Variants in PSMB3 observed in about 807,000 individuals in gnomAD.
PSMB3 encodes the protein proteasome 20S subunit beta 3, also known as proteasome subunit beta type-3.
In PSMB3, 5 loss-of-function variants were observed where a neutral mutation model predicts 23.3. The observed-to-expected ratio is 0.21, with a 90% confidence interval of 0.11 to 0.45. The LOEUF is 0.45. PSMB3 is among the 20% of genes least tolerant of loss of function. The pLI is 0.99. For synonymous variants in PSMB3, 85 were observed against 99.8 expected (o/e 0.85, Z 0.88); for missense variants, 192 against 277.9 (o/e 0.69, Z 2.20).
At chr17:38,753,461 C>A in intron 2 of PSMB3, 127 bp downstream of exon 2, 2 of 949,496 alleles carry the variant, frequency 2.1e-6, no homozygotes, top group Non-Finnish European at 3.1e-6. Flanking sequence ...TTGCCGCCTC[C>A]AAAAAACATG....
At chr17:38,761,870 A>C (rs1225157617) in intron 4 of PSMB3, among the ~76,000 whole-genome samples, 7 of 152,150 alleles carry the variant, frequency 4.6e-5, no homozygotes, top group Admixed American at 2.0e-4. Flanking sequence ...GGCAGTGGGG[A>C]GGCAGGAAGG....
intron 2 of PSMB3, among the ~76,000 whole-genome samples, chr17:38,754,525 C>T (rs1908075507): frequency 6.6e-6 from 1 of 152,104 alleles, no homozygotes; most frequent in African/African-American, 2.4e-5. Context: ...TCTTAAAACT[C>T]CCTGAGTCTC....
rs190737596 is a variant in PSMB3 at position 38,761,077 on chromosome 17, C to T, written c.474+469C>T. On this transcript the variant is annotated intron_variant, in intron 4 of 5. Coordinates refer to ENST00000619426, the MANE Select transcript of PSMB3 (RefSeq NM_002795.4). ...GAAGTGGTGCTGAGGAAGCCGGGCGCGGTGGCTCACGCCTGTAATCCCAGC... is the reference window on the plus strand; with the variant it reads ...GAAGTGGTGCTGAGGAAGCCGGGCGTGGTGGCTCACGCCTGTAATCCCAGC... Among the ~76,000 whole-genome samples, 804 of 151,516 alleles carry T rather than the reference C, an allele frequency of 5.3e-3. 3 individuals carry two copies. Among genetic ancestry groups the T allele is most frequent in the Non-Finnish European group, 9.6e-3 (648 of 67,820 alleles).
intron 4 of PSMB3, among the ~76,000 whole-genome samples, chr17:38,761,348 C>CAAAAAAA (rs1236248256): frequency 1.1e-5 from 1 of 88,214 alleles, no homozygotes; most frequent in Admixed American, 1.2e-4. Context: ...AACTCCGTCT[C>CAAAAAAA]AAAAAAAAAA....
chr17:38,755,680 ATATGTGTG>A (rs1173560757), intron 2 of PSMB3, among the ~76,000 whole-genome samples, 195 bp from the exon 3 acceptor site: 1,257 of 103,450 alleles, frequency 0.012, 32 homozygotes, highest in African/African-American at 0.048. Flanking sequence ...ATATATATAT[ATATGTGTG>A]TGTGTGTGTG....
At position 38,755,805 on chromosome 17, in the gene PSMB3, T is replaced by C. The variant is rs577947844; in HGVS notation, c.189-78T>C. The C allele has an allele frequency of 4.8e-6, 6 of 1,246,680 alleles. No individual in the cohort carries two copies. In the East Asian group the frequency reaches 7.0e-5, roughly 15 times the overall value. The allele number at this position is 1,246,680 out of a possible 1,614,324, so 77.2% of individuals were successfully genotyped here. The stretch of plus-strand genomic sequence containing the variant: ...GGGACTGAGATGAGATGTCTCCTTA[T>C]GTTTCCCTGACCTCAACAGGGTAGA... On this transcript the variant is annotated intron_variant, in intron 2 of 5. Transcript: ENST00000619426.
chr17:38,763,799 G>A (rs538201835), intron 5 of PSMB3, among the ~76,000 whole-genome samples: 1 of 152,278 alleles, frequency 6.6e-6, no homozygotes, highest in Non-Finnish European at 1.5e-5. Context: ...ACCGCGCCCG[G>A]CCAAGCTCCT....
At chr17:38,753,389 C>T in intron 2 of PSMB3, 55 bp downstream of exon 2, 1 of 1,557,456 alleles carries the variant, frequency 6.4e-7, no homozygotes, top group Non-Finnish European at 8.7e-7. Context: ...CCATCCAACC[C>T]CGGCGTCTTG....
At chr17:38,763,337 C>G (rs1908523588) in intron 5 of PSMB3, among the ~76,000 whole-genome samples, 1 of 151,648 alleles carries the variant, frequency 6.6e-6, no homozygotes, top group African/African-American at 2.4e-5. Context: ...CTGGGCAACA[C>G]AGTGAGACTC....
intron 5 of PSMB3, among the ~76,000 whole-genome samples, chr17:38,763,497 C>CTTTTTTT (rs67563765): frequency 2.6e-5 from 2 of 76,058 alleles, no homozygotes; most frequent in Admixed American, 1.8e-4. Context: ...CTTCTTCCCC[C>CTTTTTTT]TTTTTTTTTT....
intron 5 of PSMB3, among the ~76,000 whole-genome samples, chr17:38,763,467 G>A (rs1158403943): frequency 1.4e-5 from 2 of 144,008 alleles, no homozygotes; most frequent in Non-Finnish European, 3.0e-5. Flanking sequence ...TAAGTGGCTT[G>A]TTCTCTAGGC....
Position 38,752,772 on chromosome 17 carries a change from G to T in PSMB3, c.-55G>T. 1 of 1,612,148 alleles carries T rather than the reference G, an allele frequency of 6.2e-7. No homozygotes were observed. Among genetic ancestry groups the T allele is most frequent in the Non-Finnish European group, 8.5e-7 (1 of 1,178,172 alleles). On this transcript the variant is annotated 5_prime_UTR_variant, in exon 1 of 6. Transcript: ENST00000619426. This position sits in a 1 kb window ranked among gnomAD's most constrained non-coding sequence, Gnocchi z 5.5. ...GAGAGCGGTTGCGCAGTGAAGGCTA[G>T]ACCCGGTTTACTGGAATTGCTCTGG...
At position 38,755,891 on chromosome 17, in the gene PSMB3, G is replaced by A. The variant is rs772552325; in HGVS notation, c.197G>A (p.Arg66His). Residue 66 changes from arginine (R) to histidine (H), a missense_variant, in exon 3 of 6, where the codon CGC (arginine) becomes CAC (histidine). Arg to His is a conservative substitution (Grantham distance 29). Coordinates refer to ENST00000619426, the MANE Select transcript of PSMB3 (RefSeq NM_002795.4). ...LATDVQTVAQRLKFRLNLYEL... is the reference protein window; with the variant it reads ...LATDVQTVAQHLKFRLNLYEL... ...CTTTTCTCCTACCTCAGTGCCCAGC[G>A]CCTCAAGTTCCGGCTGAACCTGTAT... 4 of 1,613,850 alleles carry A rather than the reference G, an allele frequency of 2.5e-6. No individual in the cohort carries two copies. In the Admixed American group the frequency reaches 5.0e-5, roughly 20 times the overall value.
At chr17:38,756,779 C>T (rs574209755) in intron 3 of PSMB3, among the ~76,000 whole-genome samples, 1 of 152,150 alleles carries the variant, frequency 6.6e-6, no homozygotes, top group East Asian at 1.9e-4. Context: ...AGGCATGAGC[C>T]ACCATGCCTG....
At chr17:38,755,672 A>ATGTGTGTGTGTGTGTG in intron 2 of PSMB3, among the ~76,000 whole-genome samples, 1 of 88,810 alleles carries the variant, frequency 1.1e-5, no homozygotes, top group East Asian at 3.1e-4. Flanking sequence ...ATATATATAT[A>ATGTGTGTGTGTGTGTG]TATATATATA....
chr17:38,759,396 G>A (rs886636903), intron 3 of PSMB3, among the ~76,000 whole-genome samples: 2 of 152,164 alleles, frequency 1.3e-5, no homozygotes, highest in African/African-American at 4.8e-5. Flanking sequence ...CCTGGGAAAA[G>A]ATCAAATTTC....
intron 4 of PSMB3, 200 bp from the exon 5 acceptor site, chr17:38,762,209 CTT>C: frequency 1.8e-6 from 1 of 552,094 alleles, no homozygotes; most frequent in South Asian, 2.5e-5. Flanking sequence ...CTTGAAGTCT[CTT>C]TCACTTTCCT....
At chr17:38,754,434 C>A (rs749075245) in intron 2 of PSMB3, among the ~76,000 whole-genome samples, 1 of 152,152 alleles carries the variant, frequency 6.6e-6, no homozygotes, top group Non-Finnish European at 1.5e-5. Flanking sequence ...TGTGCCACTG[C>A]ACTCTAGCCT....
At chr17:38,755,659 A>ATATAT (rs1228651942) in intron 2 of PSMB3, among the ~76,000 whole-genome samples, 1 of 96,912 alleles carries the variant, frequency 1.0e-5, no homozygotes, top group Non-Finnish European at 1.9e-5. Flanking sequence ...AAAAAAAAAA[A>ATATAT]ATATATATAT....
Sources: allele counts gnomAD v4.1 joint callset (sites outside exome capture counted in the v4.1 genomes callset), GRCh38; gene constraint gnomAD v4.1.1; non-coding constraint Gnocchi (gnomAD v3.1); transcripts MANE v1.5; gene names NCBI Gene and HGNC (gene_info 2026-07-23, HGNC 2026-07-21).